Variants in ARHGEF12 observed in about 807,000 individuals in gnomAD.
The protein encoded by ARHGEF12 is Rho guanine nucleotide exchange factor 12.
Under a neutral mutation model 211.2 loss-of-function variants are expected in ARHGEF12, and 66 were observed. That is an observed-to-expected ratio of 0.31 (90% CI 0.26 to 0.38). ARHGEF12 has a LOEUF of 0.38. ARHGEF12 is among the 10% of genes least tolerant of loss of function. ARHGEF12 has a pLI of 1.00. For synonymous variants in ARHGEF12, 592 were observed against 638.4 expected (o/e 0.93, Z 1.09); for missense variants, 1,429 against 1,869.5 (o/e 0.76, Z 4.34).
In ARHGEF12 at chr11:120,437,428, T is replaced by C. The variant is rs187298397; in HGVS notation, c.999+46T>C. 13 of 1,488,718 alleles carry C rather than the reference T, an allele frequency of 8.7e-6. No homozygotes were observed. In the East Asian group the frequency reaches 3.0e-4, roughly 34 times the overall value. The allele number at this position is 1,488,718 out of a possible 1,614,324, so 92.2% of individuals were successfully genotyped here. A position where few individuals can be genotyped will look rare whatever the true frequency, so the allele number is the denominator to read the frequency against. ...ATGATAGTGCTGTCTTTGGCTTTCC[T>C]TATACTTAAAGTATGGTATAGACAC... is the stretch of plus-strand genomic sequence containing the variant. On this transcript the variant is annotated intron_variant, in intron 12 of 40. Transcript: ENST00000397843.
intron 5 of ARHGEF12, among the ~76,000 whole-genome samples, chr11:120,421,430 TTTTTTTTTTTTG>T (rs1245954523): frequency 2.4e-5 from 2 of 81,952 alleles, no homozygotes; most frequent in African/African-American, 4.3e-5. Flanking sequence ...TACAGCCTTG[TTTTTTTTTTTTG>T]TTTTTTTTTT....
intron 14 of ARHGEF12, 49 bp downstream of exon 14, chr11:120,441,866 T>A: frequency 2.6e-6 from 4 of 1,540,448 alleles, no homozygotes; most frequent in Non-Finnish European, 3.6e-6. Context: ...TGTTGATTCA[T>A]GTGCCATAGA....
chr11:120,357,362 T>A (rs772528811), intron 1 of ARHGEF12, among the ~76,000 whole-genome samples: 1 of 152,170 alleles, frequency 6.6e-6, no homozygotes, highest in Non-Finnish European at 1.5e-5. Context: ...TCAGATACTG[T>A]TTCTGCCTTT....
intron 36 of ARHGEF12, 94 bp from the exon 37 acceptor site, chr11:120,478,062 G>GTT (rs368383611): frequency 1.3e-3 from 879 of 657,278 alleles, no homozygotes; most frequent in South Asian, 8.4e-3. Flanking sequence ...TTTATGGATT[G>GTT]TTTTTTTTTT....
At chr11:120,482,684 G>T (rs1947283136) in intron 39 of ARHGEF12, among the ~76,000 whole-genome samples, 1 of 151,706 alleles carries the variant, frequency 6.6e-6, no homozygotes, top group South Asian at 2.1e-4. Context: ...GGCGGAGCTT[G>T]CAGGGAGCTG....
chr11:120,466,681 G>A (rs186209064), intron 28 of ARHGEF12, among the ~76,000 whole-genome samples: 463 of 152,314 alleles, frequency 3.0e-3, no homozygotes, highest in African/African-American at 0.011. Context: ...AAACAGTAGA[G>A]CTGAATAGTT....
In ARHGEF12 at chr11:120,428,125, C is replaced by G. The variant is rs545026216; in HGVS notation, c.463C>G (p.Pro155Ala). 23 of 1,609,104 alleles carry G rather than the reference C, an allele frequency of 1.4e-5. No individual in the cohort carries two copies. The South Asian group carries it at 2.6e-4, about 18-fold the overall frequency. Residue 155 changes from proline (P) to alanine (A), a missense_variant, in exon 8 of 41, where the codon CCA (proline) becomes GCA (alanine). Transcript: ENST00000397843. ...QGRPPGSPQI[P>A]LADSEVEPSV... is the part of the protein sequence containing the mutation. ...ACGCCCACCTGGGTCGCCCCAGATT[C>G]CACTTGCCGACTCTGAAGTAGAGCC...
intron 1 of ARHGEF12, among the ~76,000 whole-genome samples, chr11:120,391,634 CT>C (rs1944220411): frequency 6.6e-6 from 1 of 152,220 alleles, no homozygotes. Context: ...AGACTAATGG[CT>C]GAACTATAGT....
intron 1 of ARHGEF12, among the ~76,000 whole-genome samples, chr11:120,360,456 G>A (rs540837094): frequency 3.2e-4 from 48 of 151,932 alleles, no homozygotes; most frequent in Non-Finnish European, 4.9e-4. Context: ...GCAGTGATGC[G>A]GTCATGGCTC....
intron 22 of ARHGEF12, among the ~76,000 whole-genome samples, chr11:120,455,052 A>G (rs1591614820): frequency 6.6e-6 from 1 of 152,218 alleles, no homozygotes; most frequent in East Asian, 1.9e-4. Flanking sequence ...AGTCCCTAAA[A>G]TTAAAGTCAA....
rs1011561158 is a variant in ARHGEF12 at position 120,488,183 on chromosome 11, G to A, written c.*3106G>A. 4.6e-6 allele frequency: 1 copy of A among 215,480 alleles called. No individual in the cohort carries two copies. The highest frequency in any genetic ancestry group is 5.8e-5 in the Admixed American group (1 of 17,218). 13.3% of individuals were successfully genotyped at this position (215,480 alleles called of 1,614,324 possible). ...GCTTCCTGTGAATTGTCTTTTACTG[G>A]CATCTTTGTTTTCCTCTTTGATGTT... On this transcript the variant is annotated 3_prime_UTR_variant, in exon 41 of 41. Coordinates refer to ENST00000397843, the MANE Select transcript of ARHGEF12 (RefSeq NM_015313.3).
chr11:120,467,346 A>G lies in ARHGEF12; in HGVS notation c.2854+38A>G, dbSNP rs201057015. ...CACTGAAATAAAAAGCTTAAGAACAACAACAACGAAACACCCAATATCCTG... is the reference window on the plus strand; with the variant it reads ...CACTGAAATAAAAAGCTTAAGAACAGCAACAACGAAACACCCAATATCCTG... On this transcript the variant is annotated intron_variant, in intron 29 of 40. Transcript: ENST00000397843. 1.8e-5 allele frequency: 24 copies of G among 1,340,828 alleles called. No individual in the cohort carries two copies. The East Asian group carries it at 1.8e-4, about 10-fold the overall frequency. 83.1% of individuals were successfully genotyped at this position (1,340,828 alleles called of 1,614,324 possible).
At chr11:120,351,436 TATATATATATATATATA>T (rs1565420688) in intron 1 of ARHGEF12, among the ~76,000 whole-genome samples, 47 of 3,616 alleles carry the variant, frequency 0.013, 1 homozygote, top group South Asian at 0.071. Flanking sequence ...TATATATATA[TATATATATATATATATA>T]TATTTTTTTT....
intron 1 of ARHGEF12, among the ~76,000 whole-genome samples, chr11:120,369,768 G>T (rs547774185): frequency 1.3e-5 from 2 of 151,952 alleles, no homozygotes; most frequent in African/African-American, 4.8e-5. Flanking sequence ...TTCTTTTTTC[G>T]TCTTATACTT....
intron 25 of ARHGEF12, 126 bp from the exon 26 acceptor site, chr11:120,459,048 A>G (rs1277543444): frequency 1.2e-6 from 1 of 837,772 alleles, no homozygotes; most frequent in African/African-American, 1.8e-5. Flanking sequence ...GAGATATTTC[A>G]TCCTTTCTAA....
At chr11:120,373,838 G>A (rs899376275) in intron 1 of ARHGEF12, among the ~76,000 whole-genome samples, 16 of 152,028 alleles carry the variant, frequency 1.1e-4, no homozygotes, top group Admixed American at 5.9e-4. Flanking sequence ...ACGGAGTTTC[G>A]CTCTTGTTGC....
At chr11:120,364,363 A>C (rs181822718) in intron 1 of ARHGEF12, among the ~76,000 whole-genome samples, 14 of 152,366 alleles carry the variant, frequency 9.2e-5, no homozygotes, top group Admixed American at 2.6e-4. Flanking sequence ...GCAGGTGGGC[A>C]TGTAAATTGG....
chr11:120,423,460 C>G (rs1431363300), intron 6 of ARHGEF12, among the ~76,000 whole-genome samples: 1 of 152,140 alleles, frequency 6.6e-6, no homozygotes, highest in Non-Finnish European at 1.5e-5. Flanking sequence ...GAAATTTGTA[C>G]TGGCTTTATT....
At chr11:120,368,933 AT>A in intron 1 of ARHGEF12, among the ~76,000 whole-genome samples, 2 of 151,982 alleles carry the variant, frequency 1.3e-5, no homozygotes, top group African/African-American at 4.8e-5. Flanking sequence ...CCCTAGAAAG[AT>A]TTCATAAGTA....
Sources: gnomAD v4.1 joint callset for allele counts (sites outside exome capture counted in the v4.1 genomes callset) on GRCh38, gnomAD v4.1.1 for gene constraint, MANE v1.5 for transcripts, NCBI Gene and HGNC (gene_info 2026-07-23, HGNC 2026-07-21) for gene names.